The following SEMA3A variants were observed in gnomAD, a reference collection of about 807,000 sequenced individuals.
The protein encoded by SEMA3A is semaphorin 3A.
SEMA3A carries 29 observed loss-of-function variants against 97.9 expected under a neutral mutation model. The ratio of observed to expected loss-of-function variants is 0.30; its 90% CI spans 0.22 to 0.40. The LOEUF (loss-of-function observed/expected upper bound fraction) is 0.40. SEMA3A is among the 10% of genes least tolerant of loss of function. The pLI is 1.00. For synonymous variants in SEMA3A, 321 were observed against 323.7 expected, an observed-to-expected ratio of 0.99 and a Z score of 0.09; for missense variants, 763 against 951.3, an observed-to-expected ratio of 0.80 and a Z score of 2.60.
intron 3 of SEMA3A, among the ~76,000 whole-genome samples, chr7:84,247,483 T>C (rs747547596): frequency 1.2e-4 from 18 of 152,162 alleles, no homozygotes; most frequent in Non-Finnish European, 2.4e-4. Context: ...ATAACATATG[T>C]AATTGGGAAA....
rs117786586 is a variant in SEMA3A, at chr7:84,012,752, C to A, written c.811-1455G>T. Among the ~76,000 whole-genome samples, 779 of 152,234 alleles carry A rather than the reference C, an allele frequency of 5.1e-3. 6 individuals carry two copies. The highest frequency in any genetic ancestry group is 0.01 in the Middle Eastern group (3 of 294). On this transcript the variant is annotated intron_variant, in intron 7 of 16. Transcript: ENST00000265362. ...TTGAAGAAAACTGATTTAACCTAAG[C>A]AAAGTAATAAATTCTACTATTGAGG... is the stretch of plus-strand genomic sequence containing the variant.
intron 1 of SEMA3A, among the ~76,000 whole-genome samples, chr7:84,468,017 G>C (rs1209416408): frequency 6.6e-6 from 1 of 152,150 alleles, no homozygotes; most frequent in Admixed American, 6.5e-5. Flanking sequence ...ATAAGTGATA[G>C]ACTGTACGTA....
rs961875191 is a variant in SEMA3A at position 84,329,543 on chromosome 7, G to T, written c.-168-22251C>A. On this transcript the variant is annotated intron_variant, in intron 2 of 3. Coordinates refer to the SEMA3A transcript ENST00000424555. ...CATGGCAAAAGATTTGAGGAAGATTGTAATCAAAGAAGAAACATGCACATA... is the reference window on the plus strand; with the variant it reads ...CATGGCAAAAGATTTGAGGAAGATTTTAATCAAAGAAGAAACATGCACATA... 7.8e-4 allele frequency among the ~76,000 whole-genome samples: 119 copies of T among 152,092 alleles called. 3 individuals are homozygous for T. Among genetic ancestry groups the T allele is most frequent in the Non-Finnish European group, 3.2e-4 (22 of 67,942 alleles).
At chr7:84,317,493 T>C (rs1280879817) in intron 2 of SEMA3A, among the ~76,000 whole-genome samples, 1 of 152,184 alleles carries the variant, frequency 6.6e-6, no homozygotes, top group Non-Finnish European at 1.5e-5. Context: ...TAAGATAGCT[T>C]CCTTCTTTTT....
intron 15 of SEMA3A, among the ~76,000 whole-genome samples, chr7:83,975,521 A>C (rs2116299899): frequency 6.6e-6 from 1 of 152,312 alleles, no homozygotes; most frequent in East Asian, 1.9e-4. Flanking sequence ...AAACAAAAGT[A>C]ATAAGACATG....
At chr7:84,249,368 CATCTATCTATCT>C (rs60537339) in intron 3 of SEMA3A, among the ~76,000 whole-genome samples, 262 of 143,236 alleles carry the variant, frequency 1.8e-3, no homozygotes, top group African/African-American at 5.6e-3. Flanking sequence ...CTCTGTCTAT[CATCTATCTATCT>C]ATCTATCTAT....
At chr7:84,189,347 G>A (rs956765139) in intron 1 of SEMA3A, among the ~76,000 whole-genome samples, 1 of 151,740 alleles carries the variant, frequency 6.6e-6, no homozygotes, top group Non-Finnish European at 1.5e-5. Flanking sequence ...GTAAATAGAA[G>A]TTGTTGGATA....
chr7:84,123,746 AATTT>A (rs1583999966), intron 3 of SEMA3A, among the ~76,000 whole-genome samples: 1 of 131,298 alleles, frequency 7.6e-6, no homozygotes, highest in African/African-American at 2.8e-5. Context: ...TAAAATATAC[AATTT>A]ATTTCTTATT....
rs200245362 is a variant in SEMA3A, at chr7:83,961,372, C to T, written c.2315G>A (p.Ter772=). The part of the protein sequence containing the change: ...HEFERAPRSV[*] ...TGAGGTTTCTAGAGGTAATGCAGCT[C>T]AGACACTCCTGGGTGCCCTCTCAAA... Residue 772 remains the stop codon, a stop_retained_variant, in exon 17 of 17, where the codon TGA becomes TAA. Coordinates refer to ENST00000265362, the MANE Select transcript of SEMA3A (RefSeq NM_006080.3). The T allele has an allele frequency of 1.7e-4, 281 of 1,613,340 alleles. No homozygotes were observed. The highest frequency in any genetic ancestry group is 2.3e-4 in the Non-Finnish European group (269 of 1,179,258).
intron 1 of SEMA3A, among the ~76,000 whole-genome samples, chr7:84,189,868 G>C (rs1231156592): frequency 6.6e-6 from 1 of 151,354 alleles, no homozygotes; most frequent in Non-Finnish European, 1.5e-5. Context: ...ATTAAAATCA[G>C]AAAATAAAGG....
chr7:83,964,024 A>C (rs996886849), intron 15 of SEMA3A, among the ~76,000 whole-genome samples: 51 of 152,204 alleles, frequency 3.4e-4, no homozygotes, highest in Non-Finnish European at 4.9e-4. Flanking sequence ...AAAATGACAC[A>C]TCTTTCATTA....
Position 84,007,438 on chromosome 7 carries a change from A to C in SEMA3A, c.1055T>G (p.Phe352Cys). Residue 352 changes from phenylalanine to cysteine, a missense_variant, in exon 10 of 17, where the codon TTC becomes TGC. This residue lies in a region of SEMA3A where 678 missense variants were observed against 881.3 expected (regional missense o/e 0.77). Transcript: ENST00000265362. ...ATCCCTGTGGGCATATGGACCAAGG[A>C]ACACCCTTCTCACATCACTCATGCT... is the stretch of plus-strand genomic sequence containing the variant. ...MYSMSDVRRV[F>C]LGPYAHRDGP... 1 of 1,607,636 alleles carries C rather than the reference A, an allele frequency of 6.2e-7. No homozygotes were observed.
At chr7:84,222,633 C>T (rs1798905170) in intron 3 of SEMA3A, among the ~76,000 whole-genome samples, 1 of 151,648 alleles carries the variant, frequency 6.6e-6, no homozygotes, top group African/African-American at 2.4e-5. Context: ...GTAGATTTTC[C>T]CTAAGAAAAA....
At chr7:84,452,908 G>A (rs1475241266) in intron 1 of SEMA3A, among the ~76,000 whole-genome samples, 3 of 147,128 alleles carry the variant, frequency 2.0e-5, no homozygotes, top group African/African-American at 2.5e-5. Flanking sequence ...AAGCAAACAA[G>A]GGCCTTTTTT....
At chr7:84,039,365 A>T (rs1021706781) in intron 6 of SEMA3A, among the ~76,000 whole-genome samples, 1 of 152,132 alleles carries the variant, frequency 6.6e-6, no homozygotes, top group Non-Finnish European at 1.5e-5. Flanking sequence ...CCATGAAGAG[A>T]TTCATTAGTT....
chr7:84,062,182 C>T (rs1793243943), intron 4 of SEMA3A, among the ~76,000 whole-genome samples: 1 of 152,132 alleles, frequency 6.6e-6, no homozygotes, highest in Non-Finnish European at 1.5e-5. Flanking sequence ...TGGAAATTAA[C>T]ACAGGTTGTT....
chr7:84,005,960 A>G (rs1790650658), intron 10 of SEMA3A, among the ~76,000 whole-genome samples: 1 of 152,136 alleles, frequency 6.6e-6, no homozygotes, highest in Non-Finnish European at 1.5e-5. Context: ...AAAATAAAAT[A>G]AAGGAAAAAA....
At chr7:84,027,803 T>C (rs1168327925) in intron 6 of SEMA3A, among the ~76,000 whole-genome samples, 1 of 152,044 alleles carries the variant, frequency 6.6e-6, no homozygotes. Context: ...TTCTCACTCA[T>C]AAAGTGAGAA....
At chr7:84,086,197 A>C (rs757087105) in intron 4 of SEMA3A, among the ~76,000 whole-genome samples, 2 of 151,660 alleles carry the variant, frequency 1.3e-5, no homozygotes, top group African/African-American at 2.4e-5. Context: ...CTTTGCCAGC[A>C]CTCTCCCTGG....
Sources: gnomAD v4.1 joint callset for allele counts (sites outside exome capture counted in the v4.1 genomes callset) on GRCh38, gnomAD v4.1.1 for gene constraint, gnomAD v4.1.1 regional missense constraint, MANE v1.5 for transcripts, NCBI Gene and HGNC (gene_info 2026-07-23, HGNC 2026-07-21) for gene names.